Variants in ARHGAP12 observed in about 807,000 individuals in gnomAD.
ARHGAP12 encodes the protein rho GTPase-activating protein 12.
Under a neutral mutation model 108.6 loss-of-function variants are expected in ARHGAP12, and 64 were observed. The ratio of observed to expected loss-of-function variants is 0.59; its 90% CI spans 0.48 to 0.73. The LOEUF is 0.73. ARHGAP12 is among the 30% of genes least tolerant of loss of function. The pLI is 0.00. For missense variants in ARHGAP12, 940 were observed against 1,005.9 expected (o/e 0.93, Z 0.89); for synonymous variants, 312 against 337.2 (o/e 0.93, Z 0.82).
In ARHGAP12 at chr10:31,861,660, T is replaced by G; in HGVS notation, c.685-2A>C. On this transcript the variant is annotated splice_acceptor_variant, in intron 3 of 19. Coordinates refer to ENST00000344936, the MANE Select transcript of ARHGAP12 (RefSeq NM_018287.7). LOFTEE classifies it high-confidence loss of function. ...TCCTTGATTTGGAGGTGTGGTTGCC[T>G]GTGAAATAAACATTTTTAAATTTCA... The G allele has an allele frequency of 6.3e-7, 1 of 1,580,194 alleles. No homozygotes were observed. Among genetic ancestry groups the G allele is most frequent in the Non-Finnish European group, 8.6e-7 (1 of 1,168,204 alleles).
rs1197049954 is a variant in ARHGAP12 at position 31,878,748 on chromosome 10, T to C, written c.685-17090A>G. Among the ~76,000 whole-genome samples, 4 of 152,310 alleles carry C rather than the reference T, an allele frequency of 2.6e-5. 1 individual carries two copies. Among genetic ancestry groups the C allele is most frequent in the Non-Finnish European group, 5.9e-5 (4 of 68,032 alleles). On this transcript the variant is annotated intron_variant, in intron 3 of 19. Transcript: ENST00000344936. ...TGCTACAATGGCAGAGTTGAACACT[T>C]GCAACAGAGACCACATGGCTCACAA... is the stretch of plus-strand genomic sequence containing the variant.
rs1836798290 is a variant in ARHGAP12, at chr10:31,854,123, T to C, written c.1032A>G (p.Ser344=). 1 of 1,613,902 alleles carries C rather than the reference T, an allele frequency of 6.2e-7. No individual in the cohort carries two copies. Among genetic ancestry groups the C allele is most frequent in the African/African-American group, 1.3e-5 (1 of 74,944 alleles). The stretch of plus-strand genomic sequence containing the variant: ...TATGCCCACGTTCATCCAACTCTTC[T>C]GACCAACCCCTTGGAGGAGAACCAC... ...SQCGSPPRGW[S]EELDERGHTL... Residue 344 remains serine, a synonymous_variant, in exon 5 of 20, where the codon TCA becomes TCG. Transcript: ENST00000344936.
At chr10:31,892,147 T>C (rs1215717609) in intron 3 of ARHGAP12, among the ~76,000 whole-genome samples, 1 of 152,178 alleles carries the variant, frequency 6.6e-6, no homozygotes, top group East Asian at 1.9e-4. Context: ...TACCAGACAC[T>C]GCAAAAACAT....
intron 9 of ARHGAP12, among the ~76,000 whole-genome samples, chr10:31,833,824 G>C (rs1835919048): frequency 6.6e-6 from 1 of 152,178 alleles, no homozygotes; most frequent in Non-Finnish European, 1.5e-5. Flanking sequence ...GAAAGGCACA[G>C]GGGCTAAAGA....
At chr10:31,814,594 G>C (rs1835135160) in intron 13 of ARHGAP12, among the ~76,000 whole-genome samples, 1 of 152,010 alleles carries the variant, frequency 6.6e-6, no homozygotes, top group East Asian at 1.9e-4. Context: ...ACAGGATAAT[G>C]GGTTAGTTTA....
chr10:31,860,910 A>T (rs1234856074), intron 4 of ARHGAP12, among the ~76,000 whole-genome samples: 3 of 152,098 alleles, frequency 2.0e-5, no homozygotes, highest in Non-Finnish European at 4.4e-5. Context: ...AATTTTTAAA[A>T]ATCAGCCAGT....
intron 9 of ARHGAP12, among the ~76,000 whole-genome samples, chr10:31,837,884 T>C (rs1371806066): frequency 6.6e-6 from 1 of 152,232 alleles, no homozygotes; most frequent in Non-Finnish European, 1.5e-5. Context: ...AAATATTTAC[T>C]GAGCAGCTAT....
chr10:31,876,946 G>A (rs996998036), intron 3 of ARHGAP12, among the ~76,000 whole-genome samples: 1 of 152,236 alleles, frequency 6.6e-6, no homozygotes. Flanking sequence ...CAGTTTCTCC[G>A]TAAGTCAAAT....
intron 4 of ARHGAP12, among the ~76,000 whole-genome samples, chr10:31,854,885 T>A (rs1467237754): frequency 3.3e-5 from 5 of 150,200 alleles, no homozygotes; most frequent in Admixed American, 3.3e-4. Flanking sequence ...TCCCAGCACT[T>A]TGGGAGGCCA....
intron 2 of ARHGAP12, among the ~76,000 whole-genome samples, chr10:31,910,003 C>T (rs1839282223): frequency 6.6e-6 from 1 of 152,014 alleles, no homozygotes; most frequent in Non-Finnish European, 1.5e-5. Flanking sequence ...CAGCTAAAAG[C>T]CAAGGAACAC....
At position 31,913,088 on chromosome 10, in the gene ARHGAP12, GC is replaced by G. The variant is rs1471314972; in HGVS notation, c.-110-2526del. On this transcript the variant is annotated intron_variant, in intron 1 of 19. Transcript: ENST00000344936. ...AGAAACAACGCCAGGGCAAGTGTGAGCCAGAAAGGCACTGAGCAACTCTATG... is the reference window on the plus strand; with the variant it reads ...AGAAACAACGCCAGGGCAAGTGTGAGCAGAAAGGCACTGAGCAACTCTATG... 3 of 152,368 alleles carry G rather than the reference GC, an allele frequency of 2.0e-5. No individual in the cohort carries two copies. In the East Asian group the frequency reaches 5.8e-4, roughly 29 times the overall value. The allele number at this position is 152,368 out of a possible 1,614,324, so 9.4% of individuals were successfully genotyped here. A position where few individuals can be genotyped will look rare whatever the true frequency, so the allele number is the denominator to read the frequency against.
rs1286929309 is a variant in ARHGAP12, at chr10:31,839,621, C to T, written c.1371+16G>A. 3 of 1,579,516 alleles carry T rather than the reference C, an allele frequency of 1.9e-6. No homozygotes were observed. The highest frequency in any genetic ancestry group is 2.6e-6 in the Non-Finnish European group (3 of 1,154,076). ...TAACTGGACTACATTATAAGATATGCTTCTATCATACTAACTGTATCTTGG... is the reference window on the plus strand; with the variant it reads ...TAACTGGACTACATTATAAGATATGTTTCTATCATACTAACTGTATCTTGG... On this transcript the variant is annotated intron_variant, in intron 8 of 19. Transcript: ENST00000344936.
intron 3 of ARHGAP12, among the ~76,000 whole-genome samples, chr10:31,901,012 T>C (rs548301756): frequency 2.0e-5 from 3 of 151,994 alleles, no homozygotes; most frequent in East Asian, 3.9e-4. Flanking sequence ...GGTCAGGAGA[T>C]TGACACTGGC....
intron 1 of ARHGAP12, chr10:31,913,274 A>C (rs1205107575): frequency 6.5e-6 from 1 of 153,494 alleles, no homozygotes; most frequent in Non-Finnish European, 1.5e-5. Context: ...GAAGCGCTCA[A>C]AGAGGTGGAA....
intron 1 of ARHGAP12, among the ~76,000 whole-genome samples, chr10:31,925,291 C>T (rs1338095540): frequency 6.6e-6 from 1 of 152,204 alleles, no homozygotes; most frequent in East Asian, 1.9e-4. Flanking sequence ...ATCTAGATCA[C>T]TGGATTCTCA....
chr10:31,909,426 G>A (rs1215292293), intron 2 of ARHGAP12, among the ~76,000 whole-genome samples: 1 of 152,166 alleles, frequency 6.6e-6, no homozygotes, highest in East Asian at 1.9e-4. Context: ...GCATGAGCCA[G>A]TTCCCACCTG....
chr10:31,833,370 A>T (rs1020321451), intron 9 of ARHGAP12, among the ~76,000 whole-genome samples: 1 of 152,034 alleles, frequency 6.6e-6, no homozygotes, highest in African/African-American at 2.4e-5. Flanking sequence ...AAGGAAACAC[A>T]GGCATCAAAA....
intron 1 of ARHGAP12, among the ~76,000 whole-genome samples, chr10:31,922,744 CA>C (rs1213210285): frequency 6.6e-6 from 1 of 151,924 alleles, no homozygotes; most frequent in Non-Finnish European, 1.5e-5. Flanking sequence ...AAGTTACTAC[CA>C]ATTCTACATA....
intron 3 of ARHGAP12, among the ~76,000 whole-genome samples, chr10:31,903,680 G>C (rs1321739206): frequency 6.6e-6 from 1 of 152,002 alleles, no homozygotes; most frequent in South Asian, 2.1e-4. Flanking sequence ...CTACATGCTG[G>C]GAGAAAATAT....
Sources: gnomAD v4.1 joint callset for allele counts (sites outside exome capture counted in the v4.1 genomes callset) on GRCh38, gnomAD v4.1.1 for gene constraint, MANE v1.5 for transcripts, NCBI Gene and HGNC (gene_info 2026-07-23, HGNC 2026-07-21) for gene names.